The following KLF12 variants were observed in gnomAD, a reference collection of about 807,000 sequenced individuals.
KLF12 encodes the protein KLF transcription factor 12.
Under a neutral mutation model 37.8 loss-of-function variants are expected in KLF12, and 9 were observed. That is an observed-to-expected ratio of 0.24 (90% CI 0.14 to 0.42). The LOEUF (loss-of-function observed/expected upper bound fraction) is 0.42, where lower values mean the gene tolerates loss of function less well. KLF12 is among the 10% of genes least tolerant of loss of function. KLF12 has a pLI of 1.00. For synonymous variants in KLF12, 208 were observed against 202.1 expected (o/e 1.03, Z -0.25); for missense variants, 411 against 516.0 (o/e 0.80, Z 1.97).
At chr13:73,938,408 G>A (rs961626383) in intron 3 of KLF12, among the ~76,000 whole-genome samples, 3 of 151,818 alleles carry the variant, frequency 2.0e-5, no homozygotes, top group Non-Finnish European at 4.4e-5. Flanking sequence ...ACCTGCACCC[G>A]TCTATATTTC....
chr13:74,168,333 C>A, the KLF12 span, among the ~76,000 whole-genome samples: 2 of 152,228 alleles, frequency 1.3e-5, no homozygotes, highest in African/African-American at 4.8e-5. Context: ...TGACCCCTAA[C>A]TGGACTCTGG....
chr13:74,122,262 C>T (rs913052900), intron 1 of KLF12, among the ~76,000 whole-genome samples: 1 of 151,942 alleles, frequency 6.6e-6, no homozygotes, highest in African/African-American at 2.4e-5. Context: ...TTTAAATGGG[C>T]AAAGAATATG....
intron 3 of KLF12, among the ~76,000 whole-genome samples, chr13:73,929,379 G>C (rs773909145): frequency 2.0e-4 from 30 of 152,172 alleles, no homozygotes; most frequent in African/African-American, 6.0e-4. Flanking sequence ...TACAGATAAA[G>C]AAACTGAGAC....
At chr13:74,122,137 G>A (rs1057277039) in intron 1 of KLF12, among the ~76,000 whole-genome samples, 9 of 151,988 alleles carry the variant, frequency 5.9e-5, no homozygotes, top group African/African-American at 2.2e-4. Flanking sequence ...TTCTTGAACA[G>A]GCAAGAGATA....
rs138842998 is a variant in KLF12 at position 74,100,800 on chromosome 13, T to C, written c.-32+32939A>G. Among the ~76,000 whole-genome samples the C allele has an allele frequency of 4.2e-3, 636 of 152,166 alleles. 2 individuals carry two copies. Among genetic ancestry groups the C allele is most frequent in the African/African-American group, 0.014 (599 of 41,518 alleles). Reference sequence around the variant, plus strand: ...TATAGCACTTGCACATGCTAAGCACTGTGAATTAAGGGAAATTGGGAGACC... The same window carrying C: ...TATAGCACTTGCACATGCTAAGCACCGTGAATTAAGGGAAATTGGGAGACC... On this transcript the variant is annotated intron_variant, in intron 1 of 7. Coordinates refer to ENST00000377669, the MANE Select transcript of KLF12 (RefSeq NM_007249.5).
At chr13:74,105,274 T>C (rs1876592041) in intron 1 of KLF12, among the ~76,000 whole-genome samples, 2 of 152,194 alleles carry the variant, frequency 1.3e-5, no homozygotes, top group Non-Finnish European at 2.9e-5. Context: ...CAGTATTTTC[T>C]AGCAATACAA....
At chr13:73,790,435 T>A (rs1881620306) in intron 5 of KLF12, among the ~76,000 whole-genome samples, 1 of 152,190 alleles carries the variant, frequency 6.6e-6, no homozygotes, top group Non-Finnish European at 1.5e-5. Context: ...GTGCTTCCTT[T>A]AAAAAAATTG....
chr13:73,828,879 C>T (rs1372287484), intron 4 of KLF12, among the ~76,000 whole-genome samples: 1 of 146,036 alleles, frequency 6.8e-6, no homozygotes, highest in Non-Finnish European at 1.5e-5. Flanking sequence ...ACAGTATGCC[C>T]TTTTGTATTT....
chr13:74,302,637 C>T, the KLF12 span, among the ~76,000 whole-genome samples: 1 of 152,110 alleles, frequency 6.6e-6, no homozygotes, highest in Non-Finnish European at 1.5e-5. Context: ...GTCCCCACTG[C>T]TAGACTGAAT....
chr13:73,903,240 T>C (rs1455935717), intron 3 of KLF12, among the ~76,000 whole-genome samples: 1 of 152,206 alleles, frequency 6.6e-6, no homozygotes, highest in Admixed American at 6.5e-5. Flanking sequence ...GGCATCTGTG[T>C]GTGCCAGAAC....
At chr13:73,755,320 G>T (rs1174028164) in intron 6 of KLF12, among the ~76,000 whole-genome samples, 4 of 152,136 alleles carry the variant, frequency 2.6e-5, no homozygotes, top group East Asian at 3.9e-4. Flanking sequence ...TTATGAGGGT[G>T]TTCCAAATAC....
intron 6 of KLF12, among the ~76,000 whole-genome samples, chr13:73,737,392 G>A (rs75689443): frequency 0.014 from 2,081 of 152,212 alleles, 14 homozygotes; most frequent in South Asian, 0.031. Context: ...ACAAATGAGT[G>A]TCAACAATGG....
intron 2 of KLF12, among the ~76,000 whole-genome samples, chr13:73,994,599 G>A (rs1892057896): frequency 1.3e-5 from 2 of 152,002 alleles, no homozygotes; most frequent in African/African-American, 4.8e-5. Context: ...CAGCAATCAT[G>A]CACCATATGG....
intron 2 of KLF12, among the ~76,000 whole-genome samples, chr13:73,980,463 T>A (rs928554949): frequency 6.6e-6 from 1 of 151,974 alleles, no homozygotes; most frequent in Non-Finnish European, 1.5e-5. Flanking sequence ...ACTAAACATA[T>A]CCCAGTGGGA....
At chr13:73,884,946 C>T (rs1461930528) in intron 3 of KLF12, among the ~76,000 whole-genome samples, 2 of 152,148 alleles carry the variant, frequency 1.3e-5, no homozygotes, top group Admixed American at 1.3e-4. Flanking sequence ...CCATACTTCC[C>T]TGTTTTTCTG....
At chr13:73,861,786 C>T (rs1008635952) in intron 3 of KLF12, among the ~76,000 whole-genome samples, 7 of 151,978 alleles carry the variant, frequency 4.6e-5, no homozygotes, top group South Asian at 2.1e-4. Context: ...CATGCACCTC[C>T]GTGGGTATGT....
intron 7 of KLF12, among the ~76,000 whole-genome samples, chr13:73,696,707 T>C (rs998668860): frequency 2.0e-5 from 3 of 151,890 alleles, no homozygotes; most frequent in African/African-American, 7.3e-5. Flanking sequence ...ACAAAGGGGG[T>C]ATTGTTGACA....
the KLF12 span, among the ~76,000 whole-genome samples, chr13:74,243,857 A>C: frequency 6.6e-6 from 1 of 152,210 alleles, no homozygotes; most frequent in African/African-American, 2.4e-5. Context: ...ATGGGAACAG[A>C]GTGTATAGGC....
At chr13:74,170,169 C>G in the KLF12 span, among the ~76,000 whole-genome samples, 1 of 151,584 alleles carries the variant, frequency 6.6e-6, no homozygotes, top group Non-Finnish European at 1.5e-5. Flanking sequence ...CCTATATGAT[C>G]TGCGCAAGAA....
Sources: gnomAD v4.1 joint callset for allele counts (sites outside exome capture counted in the v4.1 genomes callset) on GRCh38, gnomAD v4.1.1 for gene constraint, MANE v1.5 for transcripts, NCBI Gene and HGNC (gene_info 2026-07-23, HGNC 2026-07-21) for gene names.